Variants in ERCC6L2 observed in about 807,000 individuals in gnomAD.
The protein encoded by ERCC6L2 is DNA excision repair protein ERCC-6-like 2.
ERCC6L2 carries 77 observed loss-of-function variants against 132.0 expected under a neutral mutation model. The ratio of observed to expected loss-of-function variants is 0.58; its 90% CI spans 0.49 to 0.71. The LOEUF is 0.71. ERCC6L2 is among the 30% of genes least tolerant of loss of function. The pLI, the probability that ERCC6L2 is intolerant of heterozygous loss-of-function variation, is 0.00. For synonymous variants in ERCC6L2, 583 were observed against 632.4 expected (o/e 0.92, Z 1.17); for missense variants, 1,542 against 1,837.6 (o/e 0.84, Z 2.94).
In ERCC6L2 at chr9:95,911,421, C is replaced by CT. The variant is rs943001366; in HGVS notation, c.788+4157dup. Among the ~76,000 whole-genome samples, 5 of 151,920 alleles carry CT rather than the reference C, an allele frequency of 3.3e-5. No homozygotes were observed. The South Asian group carries it at 6.2e-4, about 19-fold the overall frequency. ...TGCCAAATAAATGTTTTTTAGGTGACTTTTTTTCTGATTGTTATAAATATT... is the reference window on the plus strand; with the variant it reads ...TGCCAAATAAATGTTTTTTAGGTGACTTTTTTTTCTGATTGTTATAAATATT... On this transcript the variant is annotated intron_variant, in intron 4 of 18. Transcript: ENST00000653738.
chr9:95,902,427 A>G (rs187859034), intron 3 of ERCC6L2, among the ~76,000 whole-genome samples: 38 of 152,292 alleles, frequency 2.5e-4, no homozygotes, highest in African/African-American at 7.7e-4. Context: ...AGCAATTTCA[A>G]TGACAATTTA....
In ERCC6L2 at chr9:95,972,759, T is replaced by A. The variant is rs904379113; in HGVS notation, c.3008T>A (p.Phe1003Tyr). The part of the protein sequence containing the change: ...RVRKRASSLR[F>Y]KRIKETKKEL... ...AGAAAGAGAGCTAGTTCATTGAGGT[T>A]TAAGAGAATAAAAGAAACCAAAAAA... The change falls in exon 16 of 19, where the codon TTT (phenylalanine) becomes TAT (tyrosine). Residue 1003 changes from phenylalanine (F) to tyrosine (Y), a missense_variant. Physicochemically the swap from Phe to Tyr is conservative, Grantham distance 22. This residue lies in a region of ERCC6L2 where 945 missense variants were observed against 1,105.2 expected (regional missense o/e 0.86). Coordinates refer to ENST00000653738, the MANE Select transcript of ERCC6L2 (RefSeq NM_020207.7). The A allele has an allele frequency of 7.7e-7, 1 of 1,303,536 alleles. No homozygotes were observed. Among genetic ancestry groups the A allele is most frequent in the African/African-American group, 1.5e-5 (1 of 65,784 alleles). The allele number at this position is 1,303,536 out of a possible 1,614,324, so 80.7% of individuals were successfully genotyped here. A position where few individuals can be genotyped will look rare whatever the true frequency, so the allele number is the denominator to read the frequency against.
At chr9:95,916,529 C>T in intron 6 of ERCC6L2, 95 bp downstream of exon 6, 1 of 1,038,482 alleles carries the variant, frequency 9.6e-7, no homozygotes, top group Non-Finnish European at 1.3e-6. Context: ...TTTGTAAATA[C>T]AGTTTTTTGC....
rs35848327 is a variant in ERCC6L2 at position 96,012,679 on chromosome 9, G to A, written c.4129G>A (p.Glu1377Lys). The A allele has an allele frequency of 3.6e-4, 497 of 1,367,584 alleles. 3 individuals carry two copies. The African/African-American group carries it at 5.5e-3, about 15-fold the overall frequency. The allele number at this position is 1,367,584 out of a possible 1,614,324, so 84.7% of individuals were successfully genotyped here. The change falls in exon 19 of 19, where the codon GAA becomes AAA. Residue 1377 changes from glutamate to lysine, a missense_variant. Coordinates refer to ENST00000653738, the MANE Select transcript of ERCC6L2 (RefSeq NM_020207.7). ...CAGTGGGAAAAACAGCCAGGCATCC[G>A]AAGATACTGTGACATCCCGTTCTCT... ...IDSGKNSQAS[E>K]DTVTSRSLNS...
At chr9:95,892,469 A>G (rs1386045142) in intron 2 of ERCC6L2, among the ~76,000 whole-genome samples, 1 of 137,292 alleles carries the variant, frequency 7.3e-6, no homozygotes, top group Non-Finnish European at 1.5e-5. Flanking sequence ...TCCCTCACCC[A>G]GGCTGGAGCG....
intron 2 of ERCC6L2, among the ~76,000 whole-genome samples, chr9:95,897,018 A>G (rs184966559): frequency 2.6e-5 from 4 of 151,570 alleles, no homozygotes; most frequent in Admixed American, 2.6e-4. Context: ...TTTTTCTATA[A>G]TTTTTCTAAT....
chr9:95,941,440 TC>T lies in ERCC6L2; in HGVS notation c.1752-13del, dbSNP rs1830793613. 3.1e-6 allele frequency: 5 copies of T among 1,589,566 alleles called. No homozygotes were observed. Among genetic ancestry groups the T allele is most frequent in the Admixed American group, 3.5e-5 (2 of 57,656 alleles). On this transcript the variant is annotated splice_polypyrimidine_tract_variant and intron_variant, in intron 11 of 18. Coordinates refer to ENST00000653738, the MANE Select transcript of ERCC6L2 (RefSeq NM_020207.7). ...GCTGTTCTAATGTGCTTTTTTTTTT[TC>T]TCTTTCCTCCAGGGCTGGTGGACTA...
At position 95,947,305 on chromosome 9, in the gene ERCC6L2, C is replaced by T. The variant is rs1184712678; in HGVS notation, c.1847+5756C>T. ...GGTCTGGATCAAAGATCAAACCAGC[C>T]ACAGCATTCCATTAAACCACAGCCT... On this transcript the variant is annotated intron_variant, in intron 12 of 18. Transcript: ENST00000653738. Among the ~76,000 whole-genome samples the T allele has an allele frequency of 2.0e-5, 3 of 152,182 alleles. 1 individual carries two copies. Among genetic ancestry groups the T allele is most frequent in the South Asian group, 4.1e-4 (2 of 4,838 alleles).
At chr9:95,970,902 T>A (rs689761) in intron 15 of ERCC6L2, among the ~76,000 whole-genome samples, 40,676 of 152,020 alleles carry the variant, frequency 0.27, 5,958 homozygotes, top group East Asian at 0.4. Flanking sequence ...CACCAAACTG[T>A]AAATCCAGTA....
chr9:95,948,791 G>GAAAAAAAAAAAAAAA (rs55712485), intron 12 of ERCC6L2, among the ~76,000 whole-genome samples: 4 of 104,060 alleles, frequency 3.8e-5, no homozygotes, highest in Admixed American at 9.2e-5. Flanking sequence ...CAAGACATTA[G>GAAAAAAAAAAAAAAA]AAAAAAAAAA....
intron 17 of ERCC6L2, among the ~76,000 whole-genome samples, chr9:95,984,913 C>T (rs577803254): frequency 5.3e-5 from 8 of 152,236 alleles, no homozygotes; most frequent in African/African-American, 1.7e-4. Context: ...AAATATATTA[C>T]GAACATAGTT....
rs116996583 is a variant in ERCC6L2 at position 95,888,832 on chromosome 9, A to G, written c.471+7539A>G. Among the ~76,000 whole-genome samples, 275 of 152,214 alleles carry G rather than the reference A, an allele frequency of 1.8e-3. 1 individual carries two copies. Among genetic ancestry groups the G allele is most frequent in the Non-Finnish European group, 3.4e-3 (232 of 68,010 alleles). On this transcript the variant is annotated intron_variant, in intron 2 of 18. Transcript: ENST00000653738. The stretch of plus-strand genomic sequence containing the variant: ...CTGTTCTTCACATTCTCCCTTCCCT[A>G]ACTGTCTTTTGTGTATTGACACTTT...
At chr9:95,900,556 G>T (rs866737687) in intron 3 of ERCC6L2, among the ~76,000 whole-genome samples, 4 of 152,276 alleles carry the variant, frequency 2.6e-5, no homozygotes, top group African/African-American at 7.2e-5. Flanking sequence ...AATAGCTATT[G>T]TTGGGGCTCA....
chr9:96,016,377 C>T lies in ERCC6L2; in HGVS notation c.*3174C>T, dbSNP rs1028922522. ...TAAGAAAACCTTTCAACTTTGTTTCCATGATGCTACTTGCCACAATCTTTT... is the reference window on the plus strand; with the variant it reads ...TAAGAAAACCTTTCAACTTTGTTTCTATGATGCTACTTGCCACAATCTTTT... On this transcript the variant is annotated 3_prime_UTR_variant, in exon 19 of 19. Transcript: ENST00000653738. Among the ~76,000 whole-genome samples, 13 of 152,100 alleles carry T rather than the reference C, an allele frequency of 8.5e-5. No individual in the cohort carries two copies. The highest frequency in any genetic ancestry group is 1.5e-4 in the Non-Finnish European group (10 of 68,028).
chr9:96,013,837 A>G lies in ERCC6L2; in HGVS notation c.*634A>G, dbSNP rs1834115799. On this transcript the variant is annotated 3_prime_UTR_variant, in exon 19 of 19. Transcript: ENST00000653738. Reference sequence around the variant, plus strand: ...AAAGGTTAATGTTATACACTTTACTATATGAGCTGTGATTACTACCATTAG... The same window carrying G: ...AAAGGTTAATGTTATACACTTTACTGTATGAGCTGTGATTACTACCATTAG... The G allele has an allele frequency of 6.6e-6, 1 of 152,228 alleles. No homozygotes were observed. Among genetic ancestry groups the G allele is most frequent in the Non-Finnish European group, 1.5e-5 (1 of 68,032 alleles). The allele number at this position is 152,228 out of a possible 1,614,324, so 9.4% of individuals were successfully genotyped here. A position where few individuals can be genotyped will look rare whatever the true frequency, so the allele number is the denominator to read the frequency against.
intron 18 of ERCC6L2, among the ~76,000 whole-genome samples, chr9:96,006,915 A>G (rs1833881934): frequency 6.6e-6 from 1 of 152,186 alleles, no homozygotes; most frequent in African/African-American, 2.4e-5. Context: ...CCCATTTGAG[A>G]ATAATTTCAG....
At chr9:95,986,150 A>G (rs537034987) in intron 17 of ERCC6L2, among the ~76,000 whole-genome samples, 19 of 152,346 alleles carry the variant, frequency 1.2e-4, no homozygotes, top group Admixed American at 1.1e-3. Context: ...TTTATCTGCT[A>G]TAGCCATTAT....
intron 6 of ERCC6L2, among the ~76,000 whole-genome samples, chr9:95,918,857 A>G (rs1411892512): frequency 6.6e-6 from 1 of 152,046 alleles, no homozygotes; most frequent in Non-Finnish European, 1.5e-5. Context: ...AGATTTCTCA[A>G]CCTACAAATT....
chr9:95,977,450 A>T (rs1832718201), intron 16 of ERCC6L2, among the ~76,000 whole-genome samples: 1 of 152,204 alleles, frequency 6.6e-6, no homozygotes, highest in African/African-American at 2.4e-5. Flanking sequence ...TTCAAAAATG[A>T]ATTATAGGTG....
Sources: allele counts gnomAD v4.1 joint callset (sites outside exome capture counted in the v4.1 genomes callset), GRCh38; gene constraint gnomAD v4.1.1; regional missense constraint gnomAD v4.1.1; transcripts MANE v1.5; gene names NCBI Gene and HGNC (gene_info 2026-07-23, HGNC 2026-07-21).